PRKAR2A: variants seen among roughly 807,000 people sequenced by gnomAD.
PRKAR2A encodes cAMP-dependent protein kinase type II-alpha regulatory subunit.
PRKAR2A carries 29 observed loss-of-function variants against 51.9 expected under a neutral mutation model. That is an observed-to-expected ratio of 0.56 (90% CI 0.42 to 0.76). PRKAR2A has a LOEUF of 0.76. Among genes scored for constraint, PRKAR2A ranks in the 30% least tolerant of loss-of-function variants. The pLI is 0.00. For synonymous variants in PRKAR2A, 178 were observed against 186.2 expected (o/e 0.96, Z 0.36); for missense variants, 445 against 512.1 (o/e 0.87, Z 1.26).
intron 1 of PRKAR2A, among the ~76,000 whole-genome samples, chr3:48,843,270 T>C: frequency 6.6e-6 from 1 of 152,194 alleles, no homozygotes; most frequent in Non-Finnish European, 1.5e-5. Flanking sequence ...CCTTTATCAT[T>C]TTTTATTGCG....
intron 2 of PRKAR2A, among the ~76,000 whole-genome samples, chr3:48,806,052 A>T (rs1468807494): frequency 6.6e-6 from 1 of 152,204 alleles, no homozygotes; most frequent in Non-Finnish European, 1.5e-5. Context: ...GGCAGACATG[A>T]ACAAAAATGG....
At chr3:48,787,792 T>G (rs1156372378) in intron 4 of PRKAR2A, among the ~76,000 whole-genome samples, 1 of 152,156 alleles carries the variant, frequency 6.6e-6, no homozygotes, top group Non-Finnish European at 1.5e-5. Flanking sequence ...GTTATTAGTC[T>G]GGTTTACAGA....
At chr3:48,816,401 G>A (rs767220560) in intron 1 of PRKAR2A, among the ~76,000 whole-genome samples, 1 of 152,072 alleles carries the variant, frequency 6.6e-6, no homozygotes, top group African/African-American at 2.4e-5. Flanking sequence ...TTTACTAACT[G>A]GGGCCGAGGC....
At chr3:48,844,329 T>A (rs1348984586) in intron 1 of PRKAR2A, among the ~76,000 whole-genome samples, 9 of 150,780 alleles carry the variant, frequency 6.0e-5, no homozygotes, top group Non-Finnish European at 1.2e-4. Flanking sequence ...TTAAAAAGTC[T>A]GGAAACAACA....
chr3:48,814,652 T>C (rs1049325473), intron 1 of PRKAR2A, among the ~76,000 whole-genome samples: 1 of 152,146 alleles, frequency 6.6e-6, no homozygotes, highest in African/African-American at 2.4e-5. Context: ...GTTCCATGAG[T>C]CTGACATGCA....
intron 1 of PRKAR2A, among the ~76,000 whole-genome samples, chr3:48,834,533 A>G (rs2083248460): frequency 6.6e-6 from 1 of 152,080 alleles, no homozygotes; most frequent in African/African-American, 2.4e-5. Context: ...CCAGGAGTTC[A>G]AGACCAGCCT....
Position 48,847,834 on chromosome 3 carries a change from G to A in PRKAR2A, c.-238C>T. 1 of 374,652 alleles carries A rather than the reference G, an allele frequency of 2.7e-6. No individual in the cohort carries two copies. The allele number at this position is 374,652 out of a possible 1,614,324, so 23.2% of individuals were successfully genotyped here. A position where few individuals can be genotyped will look rare whatever the true frequency, so the allele number is the denominator to read the frequency against. Reference sequence around the variant, plus strand: ...AGCCGCCGCCGCCGCGGGGACCGACGGGCAGGCGAGCTGGACGGGCGGGGC... The same window carrying A: ...AGCCGCCGCCGCCGCGGGGACCGACAGGCAGGCGAGCTGGACGGGCGGGGC... On this transcript the variant is annotated 5_prime_UTR_variant, in exon 1 of 11. Transcript: ENST00000265563. This position sits in a 1 kb window ranked among gnomAD's most constrained non-coding sequence, Gnocchi z 4.4.
At chr3:48,840,767 G>A (rs1199215694) in intron 1 of PRKAR2A, among the ~76,000 whole-genome samples, 4 of 149,954 alleles carry the variant, frequency 2.7e-5, no homozygotes, top group African/African-American at 7.3e-5. Flanking sequence ...TAGTAGAGAC[G>A]GAATTTCACT....
intron 2 of PRKAR2A, among the ~76,000 whole-genome samples, chr3:48,804,410 G>A (rs566302043): frequency 8.5e-5 from 13 of 152,118 alleles, no homozygotes; most frequent in African/African-American, 3.1e-4. Flanking sequence ...GCAATGAGCC[G>A]TGATCATGCC....
In PRKAR2A at chr3:48,840,119, T is replaced by C. The variant is rs148916645; in HGVS notation, c.262+7216A>G. Among the ~76,000 whole-genome samples, 37 of 152,340 alleles carry C rather than the reference T, an allele frequency of 2.4e-4. 1 individual carries two copies. The East Asian group carries it at 6.7e-3, about 28-fold the overall frequency. On this transcript the variant is annotated intron_variant, in intron 1 of 10. Transcript: ENST00000265563. ...ACCTTCTGTAAGTGGAATCATACAT[T>C]ATTTGTCCTTTTGTATCTGGCTCAT...
chr3:48,781,889 A>G (rs1575870237), intron 5 of PRKAR2A, among the ~76,000 whole-genome samples: 1 of 151,898 alleles, frequency 6.6e-6, no homozygotes, highest in Non-Finnish European at 1.5e-5. Context: ...CAAGAGATCC[A>G]CCTGCCTCGG....
At chr3:48,793,850 A>T in intron 3 of PRKAR2A, 147 bp downstream of exon 3, 1 of 759,992 alleles carries the variant, frequency 1.3e-6, no homozygotes, top group Non-Finnish European at 2.2e-6. Flanking sequence ...AACCAATGCA[A>T]CTTTCAATTT....
rs1422827287 is a variant in PRKAR2A, at chr3:48,761,345, A to G, written c.873+3659T>C. On this transcript the variant is annotated intron_variant, in intron 8 of 10. Coordinates refer to ENST00000265563, the MANE Select transcript of PRKAR2A (RefSeq NM_004157.4). ...GGATCACAGACCTAAGGTAAGAGCT[A>G]AAATTCTGACTGTCTAGAGCTGTAC... Among the ~76,000 whole-genome samples the G allele has an allele frequency of 2.0e-5, 3 of 152,282 alleles. No homozygotes were observed. The South Asian group carries it at 6.2e-4, about 32-fold the overall frequency.
rs571847072 is a variant in PRKAR2A at position 48,826,880 on chromosome 3, T to TA, written c.263-19197dup. Among the ~76,000 whole-genome samples the TA allele has an allele frequency of 8.3e-3, 1,145 of 137,810 alleles. 9 individuals are homozygous for TA. Among genetic ancestry groups the TA allele is most frequent in the African/African-American group, 0.014 (537 of 37,608 alleles). The allele number at this position is 137,810 out of a possible 152,430, so 90.4% of individuals were successfully genotyped here. ...CTCCAGGTGAATAGGGTTGTAAATT[T>TA]AAAAAAAAAAAAACAAAGTAAACTT... On this transcript the variant is annotated intron_variant, in intron 1 of 10. Transcript: ENST00000265563.
Position 48,792,930 on chromosome 3 carries a change from AAAAC to A in PRKAR2A, c.351+1063_351+1066del, listed in dbSNP as rs941231071. Among the ~76,000 whole-genome samples the A allele has an allele frequency of 1.1e-4, 16 of 151,956 alleles. 1 individual carries two copies. Among genetic ancestry groups the A allele is most frequent in the Middle Eastern group, 3.4e-3 (1 of 294 alleles). On this transcript the variant is annotated intron_variant, in intron 3 of 10. Coordinates refer to ENST00000265563, the MANE Select transcript of PRKAR2A (RefSeq NM_004157.4). ...GGCGACAGTGCGAGACTCTGTCTCA[AAAAC>A]AAACAAACAAACAAACGTAATTTAT... is the stretch of plus-strand genomic sequence containing the variant.
At chr3:48,846,765 G>A (rs1353096397) in intron 1 of PRKAR2A, among the ~76,000 whole-genome samples, 2 of 152,180 alleles carry the variant, frequency 1.3e-5, no homozygotes, top group Non-Finnish European at 2.9e-5. Context: ...CAAGTAAGCA[G>A]AGGTGAAATG....
rs1390260084 is a variant in PRKAR2A, at chr3:48,746,723, CAGAGCAAGAATTG to C, written c.*4849_*4861del. On this transcript the variant is annotated 3_prime_UTR_variant, in exon 11 of 11. Transcript: ENST00000265563. ...ACTGTTCATTATATGTTTAACACCA[CAGAGCAAGAATTG>C]ATCACGTTTCAATCACTTATTCTTC... 6.6e-6 allele frequency: 1 copy of C among 152,142 alleles called. No homozygotes were observed. Among genetic ancestry groups the C allele is most frequent in the Non-Finnish European group, 1.5e-5 (1 of 68,042 alleles). The allele number at this position is 152,142 out of a possible 1,614,324, so 9.4% of individuals were successfully genotyped here. A position where few individuals can be genotyped will look rare whatever the true frequency, so the allele number is the denominator to read the frequency against.
Position 48,756,405 on chromosome 3 carries a change from C to T in PRKAR2A, c.913G>A (p.Glu305Lys), listed in dbSNP as rs368472573. 7 of 1,613,938 alleles carry T rather than the reference C, an allele frequency of 4.3e-6. No individual in the cohort carries two copies. The highest frequency in any genetic ancestry group is 2.7e-5 in the African/African-American group (2 of 75,016). ...CTGCTTCTAATCAAGATGCTCACTTCGCCAGACTCTATGATGTAAAAGCTA... is the reference window on the plus strand; with the variant it reads ...CTGCTTCTAATCAAGATGCTCACTTTGCCAGACTCTATGATGTAAAAGCTA... The part of the protein sequence containing the change: ...ADSFYIIESG[E>K]VSILIRSRTK... Residue 305 changes from glutamate (E) to lysine (K), a missense_variant, in exon 9 of 11, where the codon GAA becomes AAA. Glu to Lys is a moderately conservative substitution (Grantham distance 56). Coordinates refer to ENST00000265563, the MANE Select transcript of PRKAR2A (RefSeq NM_004157.4).
At chr3:48,753,900 C>CTTT (rs11389036) in intron 9 of PRKAR2A, among the ~76,000 whole-genome samples, 22 of 136,742 alleles carry the variant, frequency 1.6e-4, no homozygotes, top group Non-Finnish European at 2.0e-4. Context: ...CTATTGTTTT[C>CTTT]TTTTTTTTTT....
Sources: gnomAD v4.1 joint callset for allele counts (sites outside exome capture counted in the v4.1 genomes callset) on GRCh38, gnomAD v4.1.1 for gene constraint, Gnocchi (gnomAD v3.1) non-coding constraint, MANE v1.5 for transcripts, NCBI Gene and HGNC (gene_info 2026-07-23, HGNC 2026-07-21) for gene names.